ZNF81: variants seen among roughly 807,000 people sequenced by gnomAD.
ZNF81 encodes zinc finger protein 81, also known as zinc finger protein 81 (HFZ20).
Under a neutral mutation model 32.3 loss-of-function variants are expected in ZNF81, and 5 were observed. The ratio of observed to expected loss-of-function variants is 0.15; its 90% confidence interval spans 0.08 to 0.33. The LOEUF (loss-of-function observed/expected upper bound fraction) is 0.33, where lower values mean the gene tolerates loss of function less well. ZNF81 is among the 10% of genes least tolerant of loss of function. ZNF81 has a pLI of 1.00. For synonymous variants in ZNF81, 163 were observed against 166.8 expected (o/e 0.98, Z 0.17); for missense variants, 379 against 479.8 (o/e 0.79, Z 1.96).
At chrX:47,903,869 A>G (rs1297777745) in intron 4 of ZNF81, among the ~76,000 whole-genome samples, 287 of 94,948 alleles carry the variant, frequency 3.0e-3, no homozygotes, top group Admixed American at 4.7e-3. Flanking sequence ...AGAGATATAG[A>G]CCAATGGAAC....
chrX:47,852,855 C>T (rs1192656010), intron 2 of ZNF81, among the ~76,000 whole-genome samples: 1 of 112,795 alleles, frequency 8.9e-6, no homozygotes, highest in African/African-American at 3.2e-5. Flanking sequence ...TTTCAATTTA[C>T]TTTGCCCAGA....
At chrX:47,896,427 C>G (rs1255340032) in intron 4 of ZNF81, among the ~76,000 whole-genome samples, 2 of 111,366 alleles carry the variant, frequency 1.8e-5, no homozygotes, top group Admixed American at 9.5e-5. Context: ...AAGGTACCAA[C>G]AAACTCTCAT....
intron 2 of ZNF81, among the ~76,000 whole-genome samples, chrX:47,855,571 C>T (rs868968372): frequency 1.8e-5 from 2 of 111,125 alleles, no homozygotes; most frequent in Non-Finnish European, 3.8e-5. Flanking sequence ...GTAGGGCTGT[C>T]TCTGATTACC....
Position 47,915,162 on chromosome X carries a change from T to C in ZNF81, c.516T>C (p.Phe172=), listed in dbSNP as rs781803635. The part of the protein sequence containing the change: ...NTEWDYEYKD[F]GKFVHPSPNL... ...AGTGGGATTATGAATATAAAGACTT[T>C]GGAAAATTTGTTCATCCAAGCCCAA... is the stretch of plus-strand genomic sequence containing the variant. The change falls in exon 5 of 5, where the codon TTT becomes TTC. Residue 172 remains phenylalanine, a synonymous_variant. Coordinates refer to ENST00000338637, the MANE Select transcript of ZNF81 (RefSeq NM_007137.5). 8.3e-7 allele frequency: 1 copy of C among 1,198,460 alleles called. No individual in the cohort carries two copies. The highest frequency in any genetic ancestry group is 1.1e-6 in the Non-Finnish European group (1 of 890,449).
At chrX:47,867,456 TC>T (rs1330940730) in intron 2 of ZNF81, among the ~76,000 whole-genome samples, 2 of 112,104 alleles carry the variant, frequency 1.8e-5, no homozygotes, top group Non-Finnish European at 3.8e-5. Flanking sequence ...CCTTATGATT[TC>T]CCCTTCTTTT....
chrX:47,840,828 C>T lies in ZNF81; in HGVS notation c.-164+3841C>T. On this transcript the variant is annotated intron_variant, in intron 1 of 4. Transcript: ENST00000338637. ...CGGCGAGCTACTGTCTTTTCTTTGA[C>T]CCTTCCTTTCCAGTTTTTGAAGATA... The T allele has an allele frequency of 1.1e-5, 4 of 360,108 alleles. No homozygotes were observed. In the South Asian group the frequency reaches 1.5e-4, roughly 13 times the overall value. The allele number at this position is 360,108 out of a possible 1,213,427, so 29.7% of individuals were successfully genotyped here.
chrX:47,850,910 C>T (rs2058492954), intron 2 of ZNF81, among the ~76,000 whole-genome samples: 1 of 96,639 alleles, frequency 1.0e-5, no homozygotes, highest in South Asian at 5.3e-4. Context: ...CACACACACA[C>T]ACACACACAC....
chrX:47,841,388 C>T (rs1237239129), intron 1 of ZNF81: 19 of 746,697 alleles, frequency 2.5e-5, no homozygotes, highest in African/African-American at 2.5e-4. Flanking sequence ...TGCAGTGGTT[C>T]TCTGCACCAG....
At position 47,918,387 on chromosome X, in the gene ZNF81, C is replaced by A. The variant is rs2058764651; in HGVS notation, c.*1755C>A. On this transcript the variant is annotated 3_prime_UTR_variant, in exon 5 of 5. Transcript: ENST00000338637. Reference sequence around the variant, plus strand: ...TGCTTAGGAGACCATCTCAGCTAAACTTAAGGGCTTCTAAAAATCTTCATG... The same window carrying A: ...TGCTTAGGAGACCATCTCAGCTAAAATTAAGGGCTTCTAAAAATCTTCATG... The A allele has an allele frequency of 1.8e-5, 2 of 111,086 alleles. No homozygotes were observed. Among genetic ancestry groups the A allele is most frequent in the Admixed American group, 9.6e-5 (1 of 10,426 alleles). 9.2% of individuals were successfully genotyped at this position (111,086 alleles called of 1,213,427 possible).
In ZNF81 at chrX:47,923,705, C is replaced by A. The variant is rs2058783645; in HGVS notation, c.*7073C>A. Among the ~76,000 whole-genome samples, 1 of 111,729 alleles carries A rather than the reference C, an allele frequency of 9.0e-6. No homozygotes were observed. Among genetic ancestry groups the A allele is most frequent in the South Asian group, 3.8e-4 (1 of 2,657 alleles). On this transcript the variant is annotated 3_prime_UTR_variant, in exon 5 of 5. Transcript: ENST00000338637. ...ATTTTTCTCATAGAAAAATATCAAG[C>A]CATTGGACTAGATTATTCTGTCGTT...
chrX:47,921,977 A>G lies in ZNF81; in HGVS notation c.*5345A>G, dbSNP rs995007485. On this transcript the variant is annotated 3_prime_UTR_variant, in exon 5 of 5. Transcript: ENST00000338637. ...TTTTAGGGTAATTTGTTACACAGTAATAGGTTAATAATACACTGGCCCAGA... is the reference window on the plus strand; with the variant it reads ...TTTTAGGGTAATTTGTTACACAGTAGTAGGTTAATAATACACTGGCCCAGA... 7.1e-5 allele frequency: 8 copies of G among 111,900 alleles called. No homozygotes were observed. The highest frequency in any genetic ancestry group is 5.7e-4 in the Admixed American group (6 of 10,550). The allele number at this position is 111,900 out of a possible 1,213,427, so 9.2% of individuals were successfully genotyped here.
At chrX:47,891,906 A>G (rs782047353) in intron 3 of ZNF81, among the ~76,000 whole-genome samples, 1 of 111,873 alleles carries the variant, frequency 8.9e-6, no homozygotes, top group Non-Finnish European at 1.9e-5. Context: ...AGTTTTTGAC[A>G]GTGTACCAGG....
At chrX:47,902,332 A>G (rs1256398296) in intron 4 of ZNF81, among the ~76,000 whole-genome samples, 2 of 112,240 alleles carry the variant, frequency 1.8e-5, no homozygotes, top group African/African-American at 6.5e-5. Flanking sequence ...TAAAAGGAGA[A>G]GTAGACAAAA....
At chrX:47,864,335 C>T (rs369461783) in intron 2 of ZNF81, among the ~76,000 whole-genome samples, 50 of 111,766 alleles carry the variant, frequency 4.5e-4, no homozygotes, top group African/African-American at 1.6e-3. Flanking sequence ...TTTCAGGCTG[C>T]GAATAGTCCA....
At chrX:47,850,390 T>C (rs1175785016) in intron 2 of ZNF81, among the ~76,000 whole-genome samples, 2 of 105,410 alleles carry the variant, frequency 1.9e-5, no homozygotes, top group African/African-American at 6.9e-5. Flanking sequence ...AAAAATAGAA[T>C]GGATAAATAC....
chrX:47,907,134 C>G (rs2058723598), intron 4 of ZNF81, among the ~76,000 whole-genome samples: 1 of 94,589 alleles, frequency 1.1e-5, no homozygotes, highest in Non-Finnish European at 2.1e-5. Flanking sequence ...GGACATACGA[C>G]CAGGCCCTAT....
At chrX:47,867,100 G>T (rs972487101) in intron 2 of ZNF81, among the ~76,000 whole-genome samples, 3 of 111,142 alleles carry the variant, frequency 2.7e-5, no homozygotes, top group Non-Finnish European at 3.8e-5. Flanking sequence ...TGGAGCCTGT[G>T]GGGGGTTAGG....
At chrX:47,840,852 T>C (rs1556879688) in intron 1 of ZNF81, 2 of 388,819 alleles carry the variant, frequency 5.1e-6, no homozygotes, top group Non-Finnish European at 9.0e-6. Context: ...TTTTTGAAGA[T>C]AAAGCAGGAG....
intron 4 of ZNF81, among the ~76,000 whole-genome samples, chrX:47,899,079 T>C (rs1239521565): frequency 9.0e-6 from 1 of 111,278 alleles, no homozygotes; most frequent in Non-Finnish European, 1.9e-5. Flanking sequence ...TCCAAACTCA[T>C]GTTTTAATTT....
Sources: gnomAD v4.1 joint callset for allele counts (sites outside exome capture counted in the v4.1 genomes callset) on GRCh38, gnomAD v4.1.1 for gene constraint, MANE v1.5 for transcripts, NCBI Gene and HGNC (gene_info 2026-07-23, HGNC 2026-07-21) for gene names.